The following KLHL3 variants were observed in gnomAD, a reference collection of about 807,000 sequenced individuals.
KLHL3 encodes kelch-like protein 3.
Under a neutral mutation model 70.5 loss-of-function variants are expected in KLHL3, and 19 were observed. The observed-to-expected ratio is 0.27, with a 90% CI of 0.19 to 0.40. The LOEUF (loss-of-function observed/expected upper bound fraction) is 0.40. Ranked by LOEUF, KLHL3 falls within the 10% of genes least tolerant of loss-of-function variation. KLHL3 has a pLI of 1.00. For synonymous variants in KLHL3, 258 were observed against 290.3 expected (o/e 0.89, Z 1.13); for missense variants, 512 against 771.1 (o/e 0.66, Z 3.98).
chr5:137,710,725 T>C (rs937899903), intron 2 of KLHL3, among the ~76,000 whole-genome samples: 1 of 152,252 alleles, frequency 6.6e-6, no homozygotes, highest in Non-Finnish European at 1.5e-5. Flanking sequence ...ATGCCTGTTA[T>C]CAATATAATA....
intron 8 of KLHL3, among the ~76,000 whole-genome samples, chr5:137,640,939 T>G (rs952940907): frequency 6.6e-6 from 1 of 152,262 alleles, no homozygotes; most frequent in Non-Finnish European, 1.5e-5. Context: ...CACACTTACA[T>G]GTGTCTTCTG....
Position 137,625,773 on chromosome 5 carries a change from C to T in KLHL3, c.1715G>A (p.Ser572Asn). ...CTGACCTGCATAGCTCCGCCCCGTG[C>T]TCATGTTCGTTGGAAGCAGCGTCCA... Reference protein sequence around the residue: ...DKWTLLPTNMSTGRSYAGVAV... With the variant: ...DKWTLLPTNMNTGRSYAGVAV... Residue 572 changes from serine to asparagine, a missense_variant, in exon 14 of 15, where the codon AGC becomes AAC. By Grantham distance (46) the Ser-to-Asn change is conservative (BLOSUM62 1). Coordinates refer to ENST00000309755, the MANE Select transcript of KLHL3 (RefSeq NM_017415.3). The T allele has an allele frequency of 6.2e-7, 1 of 1,614,160 alleles. No homozygotes were observed. The highest frequency in any genetic ancestry group is 8.5e-7 in the Non-Finnish European group (1 of 1,180,032).
chr5:137,618,728 G>A lies in KLHL3; in HGVS notation c.*3370C>T, dbSNP rs1756301867. On this transcript the variant is annotated 3_prime_UTR_variant, in exon 15 of 15. Transcript: ENST00000309755. ...CGTCAGTGGGAGCCACCACGAGACAGCCCGGCCTCACCCCCACAGAAAGCA... is the reference window on the plus strand; with the variant it reads ...CGTCAGTGGGAGCCACCACGAGACAACCCGGCCTCACCCCCACAGAAAGCA... 1 of 148,662 alleles carries A rather than the reference G, an allele frequency of 6.7e-6. No homozygotes were observed. Among genetic ancestry groups the A allele is most frequent in the African/African-American group, 2.5e-5 (1 of 40,044 alleles). The allele number at this position is 148,662 out of a possible 1,614,324, so 9.2% of individuals were successfully genotyped here.
chr5:137,624,242 G>T (rs757837764), intron 14 of KLHL3, among the ~76,000 whole-genome samples: 6 of 152,120 alleles, frequency 3.9e-5, no homozygotes, highest in Non-Finnish European at 7.3e-5. Context: ...ACATAAAATT[G>T]CAGGTTTGCT....
At chr5:137,661,097 C>T (rs1751462044) in intron 7 of KLHL3, 1 of 152,156 alleles carries the variant, frequency 6.6e-6, no homozygotes, top group Non-Finnish European at 1.5e-5. Context: ...ATGCCATTTA[C>T]TGTATAAAAT....
chr5:137,735,255 C>T (rs973286237), intron 1 of KLHL3, among the ~76,000 whole-genome samples: 1 of 152,116 alleles, frequency 6.6e-6, no homozygotes, highest in Non-Finnish European at 1.5e-5. Context: ...AACCCCCCAC[C>T]AAAGAAAAAA....
intron 1 of KLHL3, among the ~76,000 whole-genome samples, chr5:137,732,955 T>C (rs1409830719): frequency 6.6e-6 from 1 of 152,194 alleles, no homozygotes; most frequent in Non-Finnish European, 1.5e-5. Context: ...TACTCCAAAG[T>C]CCATGCTTTT....
intron 6 of KLHL3, 118 bp downstream of exon 6, chr5:137,677,427 G>A (rs1025016047): frequency 2.4e-5 from 15 of 632,416 alleles, no homozygotes; most frequent in African/African-American, 9.4e-5. Flanking sequence ...CAGCCTGGCC[G>A]ACAGAGCAAG....
At chr5:137,719,609 C>T (rs1314018790) in intron 2 of KLHL3, among the ~76,000 whole-genome samples, 2 of 152,234 alleles carry the variant, frequency 1.3e-5, no homozygotes, top group African/African-American at 4.8e-5. Flanking sequence ...CAAACATGCA[C>T]ATTGGCCTTA....
chr5:137,669,362 A>C (rs150977893), intron 6 of KLHL3, among the ~76,000 whole-genome samples: 4 of 152,136 alleles, frequency 2.6e-5, no homozygotes, highest in African/African-American at 9.7e-5. Flanking sequence ...GCTACCTGCC[A>C]CACAGAGAAA....
intron 12 of KLHL3, among the ~76,000 whole-genome samples, chr5:137,633,331 T>A (rs995468849): frequency 1.6e-4 from 24 of 149,244 alleles, no homozygotes; most frequent in Non-Finnish European, 5.9e-5. Context: ...TTTAGCATGG[T>A]TGCAGAGAAA....
rs1001209890 is a variant in KLHL3, at chr5:137,621,105, T to A, written c.*993A>T. 6.6e-6 allele frequency: 1 copy of A among 152,596 alleles called. No homozygotes were observed. The highest frequency in any genetic ancestry group is 2.4e-5 in the African/African-American group (1 of 41,430). The allele number at this position is 152,596 out of a possible 1,614,324, so 9.5% of individuals were successfully genotyped here. The stretch of plus-strand genomic sequence containing the variant: ...AGTAAAATGGGGTGCTGTGAATAAT[T>A]AAACTGGGATAATAAGTATAAATGG... On this transcript the variant is annotated 3_prime_UTR_variant, in exon 15 of 15. Coordinates refer to ENST00000309755, the MANE Select transcript of KLHL3 (RefSeq NM_017415.3).
Position 137,621,924 on chromosome 5 carries a change from G to C in KLHL3, c.*174C>G, listed in dbSNP as rs1378746793. ...GAGCACCTCAGGGGAACGGGGGTGG[G>C]TAATGGTGTCCACACTGCGATGAAC... On this transcript the variant is annotated 3_prime_UTR_variant, in exon 15 of 15. Coordinates refer to ENST00000309755, the MANE Select transcript of KLHL3 (RefSeq NM_017415.3). 13 of 702,400 alleles carry C rather than the reference G, an allele frequency of 1.9e-5. No homozygotes were observed. The highest frequency in any genetic ancestry group is 3.3e-5 in the Non-Finnish European group (13 of 389,874). 43.5% of individuals were successfully genotyped at this position (702,400 alleles called of 1,614,324 possible). A position where few individuals can be genotyped will look rare whatever the true frequency, so the allele number is the denominator to read the frequency against.
intron 4 of KLHL3, among the ~76,000 whole-genome samples, chr5:137,697,255 C>G (rs1027060607): frequency 6.6e-6 from 1 of 151,904 alleles, no homozygotes; most frequent in Admixed American, 6.6e-5. Context: ...CCTCCGCCTC[C>G]TGGGTTCAAG....
intron 8 of KLHL3, among the ~76,000 whole-genome samples, chr5:137,648,561 G>T (rs1446070593): frequency 6.6e-6 from 1 of 152,200 alleles, no homozygotes; most frequent in East Asian, 1.9e-4. Context: ...GTTGTCCATG[G>T]CAACCCAGCC....
At chr5:137,671,569 C>T (rs184784324) in intron 6 of KLHL3, among the ~76,000 whole-genome samples, 30 of 152,262 alleles carry the variant, frequency 2.0e-4, no homozygotes, top group East Asian at 9.7e-4. Context: ...GAGCTATCTA[C>T]GGTTAATGAG....
intron 6 of KLHL3, among the ~76,000 whole-genome samples, chr5:137,673,105 C>T (rs1490593870): frequency 6.6e-6 from 1 of 152,100 alleles, no homozygotes; most frequent in Non-Finnish European, 1.5e-5. Flanking sequence ...GAGATTCATT[C>T]CTTATCTATG....
intron 8 of KLHL3, among the ~76,000 whole-genome samples, 163 bp from the exon 9 acceptor site, chr5:137,640,140 A>G (rs897553552): frequency 6.6e-6 from 1 of 152,228 alleles, no homozygotes; most frequent in African/African-American, 2.4e-5. Flanking sequence ...ACCAACAGGT[A>G]TGAGTATTCA....
At chr5:137,733,441 T>TG (rs1033404587) in intron 1 of KLHL3, among the ~76,000 whole-genome samples, 35 of 152,210 alleles carry the variant, frequency 2.3e-4, no homozygotes, top group Admixed American at 1.2e-3. Context: ...CAGTAGTCAA[T>TG]GGGGGTATTT....
Sources: allele counts gnomAD v4.1 joint callset (sites outside exome capture counted in the v4.1 genomes callset), GRCh38; gene constraint gnomAD v4.1.1; transcripts MANE v1.5; gene names NCBI Gene and HGNC (gene_info 2026-07-23, HGNC 2026-07-21).